SPNS2: variants seen among roughly 807,000 people sequenced by gnomAD.
SPNS2 encodes sphingosine-1-phosphate transporter SPNS2.
In SPNS2, 37 loss-of-function variants were observed where a neutral mutation model predicts 57.6. That is an observed-to-expected ratio of 0.64 (90% CI 0.49 to 0.85). The LOEUF (loss-of-function observed/expected upper bound fraction) is 0.85, where lower values mean the gene tolerates loss of function less well. Among genes scored for constraint, SPNS2 ranks in the 40% least tolerant of loss-of-function variants. The pLI is 0.00. For missense variants in SPNS2, 831 were observed against 779.1 expected, an observed-to-expected ratio of 1.07 and a Z score of -0.79; for synonymous variants, 440 against 346.9, an observed-to-expected ratio of 1.27 and a Z score of -2.98.
chr17:4,527,729 A>T (rs1905297349), intron 3 of SPNS2, among the ~76,000 whole-genome samples: 1 of 152,218 alleles, frequency 6.6e-6, no homozygotes, highest in Non-Finnish European at 1.5e-5. Flanking sequence ...GCAACAATTA[A>T]AAAGGCTGAC....
At chr17:4,537,000 G>A in intron 12 of SPNS2, 54 bp downstream of exon 12, 3 of 1,594,054 alleles carry the variant, frequency 1.9e-6, no homozygotes, top group Non-Finnish European at 2.6e-6. Flanking sequence ...GGGAAGGCCA[G>A]GGTTAGGCAA....
intron 10 of SPNS2, 27 bp downstream of exon 10, chr17:4,536,201 C>CG (rs1567597718): frequency 1.2e-6 from 2 of 1,607,776 alleles, no homozygotes; most frequent in South Asian, 2.2e-5. Flanking sequence ...TGGGGCTGGC[C>CG]AGGGCAGGCT....
rs562526755 is a variant in SPNS2 at position 4,510,068 on chromosome 17, C to T, written c.371-3179C>T. On this transcript the variant is annotated intron_variant, in intron 1 of 12. Transcript: ENST00000329078. This position sits in a 1 kb window ranked among gnomAD's most constrained non-coding sequence, Gnocchi z 4.4. ...CAAAGGAAAATCTGAGGCGACCCGCCGAGCTGCTGTGACACACGCTTCCCG... is the reference window on the plus strand; with the variant it reads ...CAAAGGAAAATCTGAGGCGACCCGCTGAGCTGCTGTGACACACGCTTCCCG... Among the ~76,000 whole-genome samples the T allele has an allele frequency of 3.9e-4, 59 of 152,394 alleles. No individual in the cohort carries two copies. The highest frequency in any genetic ancestry group is 1.4e-3 in the African/African-American group (57 of 41,598).
intron 1 of SPNS2, among the ~76,000 whole-genome samples, chr17:4,500,434 T>C (rs1213116034): frequency 6.6e-6 from 1 of 151,870 alleles, no homozygotes; most frequent in Non-Finnish European, 1.5e-5. Context: ...CTGCTACTGG[T>C]TGGGAATGGT....
At chr17:4,518,654 A>G (rs943481650) in intron 2 of SPNS2, among the ~76,000 whole-genome samples, 2 of 152,168 alleles carry the variant, frequency 1.3e-5, no homozygotes, top group African/African-American at 4.8e-5. Flanking sequence ...CTCACGAGGA[A>G]GTGCCAGGAT....
chr17:4,531,557 C>T (rs1434447413), intron 5 of SPNS2, among the ~76,000 whole-genome samples: 2 of 152,126 alleles, frequency 1.3e-5, no homozygotes, highest in Non-Finnish European at 2.9e-5. Context: ...GGGCAAGTTA[C>T]CAAGGCCCCA....
intron 1 of SPNS2, among the ~76,000 whole-genome samples, chr17:4,505,216 A>T (rs183808517): frequency 1.4e-4 from 21 of 152,166 alleles, no homozygotes; most frequent in African/African-American, 5.1e-4. Context: ...TGCATAGGAG[A>T]CTGCCCCAGG....
chr17:4,538,919 T>C lies in SPNS2; in HGVS notation c.*1471T>C, dbSNP rs1263899301. 1 of 782,168 alleles carries C rather than the reference T, an allele frequency of 1.3e-6. No individual in the cohort carries two copies. The highest frequency in any genetic ancestry group is 2.4e-6 in the Non-Finnish European group (1 of 419,236). The allele number at this position is 782,168 out of a possible 1,614,324, so 48.5% of individuals were successfully genotyped here. On this transcript the variant is annotated 3_prime_UTR_variant, in exon 13 of 13. Coordinates refer to ENST00000329078, the MANE Select transcript of SPNS2 (RefSeq NM_001124758.3). ...GGTCCGAGTGTTGCCTCCTCTTCCT[T>C]CCGGAAGCCAAACTGCTCCTTTATT... is the stretch of plus-strand genomic sequence containing the variant.
chr17:4,530,488 T>C lies in SPNS2; in HGVS notation c.574-144T>C. 3 of 949,716 alleles carry C rather than the reference T, an allele frequency of 3.2e-6. No individual in the cohort carries two copies. The South Asian group carries it at 4.9e-5, about 16-fold the overall frequency. 58.8% of individuals were successfully genotyped at this position (949,716 alleles called of 1,614,324 possible). A position where few individuals can be genotyped will look rare whatever the true frequency, so the allele number is the denominator to read the frequency against. On this transcript the variant is annotated intron_variant, in intron 3 of 12. Coordinates refer to ENST00000329078, the MANE Select transcript of SPNS2 (RefSeq NM_001124758.3). Reference sequence around the variant, plus strand: ...CGGAGTGGCTGGGGGAGGTGGTCTTTACGGAGGTGCAGCCCACCAGCACCC... The same window carrying C: ...CGGAGTGGCTGGGGGAGGTGGTCTTCACGGAGGTGCAGCCCACCAGCACCC...
rs1365432605 is a variant in SPNS2, at chr17:4,510,080, A to G, written c.371-3167A>G. Among the ~76,000 whole-genome samples the G allele has an allele frequency of 6.6e-6, 1 of 152,262 alleles. No individual in the cohort carries two copies. The highest frequency in any genetic ancestry group is 2.4e-5 in the African/African-American group (1 of 41,474). On this transcript the variant is annotated intron_variant, in intron 1 of 12. Coordinates refer to ENST00000329078, the MANE Select transcript of SPNS2 (RefSeq NM_001124758.3). This position sits in a 1 kb window ranked among gnomAD's most constrained non-coding sequence, Gnocchi z 4.4. ...TGAGGCGACCCGCCGAGCTGCTGTG[A>G]CACACGCTTCCCGTGCCAGCGGCCA...
At chr17:4,530,416 C>G (rs551864575) in intron 3 of SPNS2, among the ~76,000 whole-genome samples, 1 of 152,140 alleles carries the variant, frequency 6.6e-6, no homozygotes, top group Non-Finnish European at 1.5e-5. Flanking sequence ...AGCACTGGGC[C>G]GGCCAGGCCC....
chr17:4,530,707 A>G lies in SPNS2; in HGVS notation c.649A>G (p.Ile217Val). 2 of 1,613,878 alleles carry G rather than the reference A, an allele frequency of 1.2e-6. No individual in the cohort carries two copies. The highest frequency in any genetic ancestry group is 8.5e-7 in the Non-Finnish European group (1 of 1,179,920). ...CAGCTACTCCACCATCGCCCCCACT[A>G]TCATTGGCGACCTCTTCACCAAGAA... ...EASYSTIAPT[I>V]IGDLFTKNTR... Residue 217 changes from isoleucine to valine, a missense_variant, in exon 4 of 13, where the codon ATC (isoleucine) becomes GTC (valine). Around this residue, in one of 2 missense-constraint regions of SPNS2, gnomAD observed 305 missense variants for 378.3 expected, o/e 0.81. Transcript: ENST00000329078.
At chr17:4,536,201 C>G in intron 10 of SPNS2, 27 bp downstream of exon 10, 2 of 1,607,776 alleles carry the variant, frequency 1.2e-6, no homozygotes, top group Non-Finnish European at 1.7e-6. Context: ...TGGGGCTGGC[C>G]AGGGCAGGCT....
chr17:4,511,357 CAG>C lies in SPNS2; in HGVS notation c.371-1887_371-1886del, dbSNP rs1408298101. On this transcript the variant is annotated intron_variant, in intron 1 of 12. Transcript: ENST00000329078. The surrounding 1 kb of genome is among the most constrained non-coding windows in gnomAD (Gnocchi z 4.6). The stretch of plus-strand genomic sequence containing the variant: ...GTACCAGAATAGAAGAGGAAGTGTG[CAG>C]AGTCAGGGGGCCATGAGTAGTTTGG... Among the ~76,000 whole-genome samples the C allele has an allele frequency of 6.6e-6, 1 of 152,146 alleles. No individual in the cohort carries two copies. The highest frequency in any genetic ancestry group is 1.5e-5 in the Non-Finnish European group (1 of 68,034).
intron 3 of SPNS2, among the ~76,000 whole-genome samples, chr17:4,529,699 G>A (rs1295475671): frequency 6.6e-6 from 1 of 152,044 alleles, no homozygotes; most frequent in Non-Finnish European, 1.5e-5. Flanking sequence ...AGAAATCAAT[G>A]CAAAAGAGAC....
intron 3 of SPNS2, among the ~76,000 whole-genome samples, chr17:4,528,044 C>T (rs1428435928): frequency 6.6e-6 from 1 of 150,702 alleles, no homozygotes; most frequent in Non-Finnish European, 1.5e-5. Context: ...TTTTTTTAGA[C>T]GGAGTTTCGC....
chr17:4,513,168 GC>G, intron 1 of SPNS2, 78 bp from the exon 2 acceptor site: 1 of 1,507,676 alleles, frequency 6.6e-7, no homozygotes, highest in Non-Finnish European at 9.2e-7. Context: ...GCCCTGCAAG[GC>G]GGGAAAGAGG....
rs1385027560 is a variant in SPNS2, at chr17:4,512,565, T to C, written c.371-682T>C. 6.6e-6 allele frequency among the ~76,000 whole-genome samples: 1 copy of C among 152,042 alleles called. No homozygotes were observed. The highest frequency in any genetic ancestry group is 1.5e-5 in the Non-Finnish European group (1 of 68,004). On this transcript the variant is annotated intron_variant, in intron 1 of 12. Coordinates refer to ENST00000329078, the MANE Select transcript of SPNS2 (RefSeq NM_001124758.3). This position sits in a 1 kb window ranked among gnomAD's most constrained non-coding sequence, Gnocchi z 5.2. ...GCCTGGAGCCCCGCCTGCTTCCCTC[T>C]GTACCCTGGGCCAGAATCTGAAAAT...
chr17:4,536,592 A>C, intron 11 of SPNS2, 166 bp downstream of exon 11: 2 of 908,566 alleles, frequency 2.2e-6, no homozygotes, highest in Admixed American at 2.8e-5. Context: ...TGCCAGGGTC[A>C]GCCTGGAGCT....
Sources: gnomAD v4.1 joint callset for allele counts (sites outside exome capture counted in the v4.1 genomes callset) on GRCh38, gnomAD v4.1.1 for gene constraint, gnomAD v4.1.1 regional missense constraint, Gnocchi (gnomAD v3.1) non-coding constraint, MANE v1.5 for transcripts, NCBI Gene and HGNC (gene_info 2026-07-23, HGNC 2026-07-21) for gene names.